The following CCDC141 variants were observed in gnomAD, a reference collection of about 807,000 sequenced individuals.
CCDC141 encodes the protein coiled-coil domain containing 141.
CCDC141 carries 168 observed loss-of-function variants against 181.0 expected under a neutral mutation model. That is an observed-to-expected ratio of 0.93 (90% CI 0.82 to 1.05). CCDC141 has a LOEUF of 1.05. Ranked by LOEUF, CCDC141 falls within the 50% of genes least tolerant of loss-of-function variation. CCDC141 has a pLI of 0.00. For synonymous variants in CCDC141, 666 were observed against 642.3 expected, an observed-to-expected ratio of 1.04 and a Z score of -0.56; for missense variants, 1,902 against 1,788.5, an observed-to-expected ratio of 1.06 and a Z score of -1.14.
At chr2:179,015,311 A>G (rs1217707940) in intron 2 of CCDC141, among the ~76,000 whole-genome samples, 4 of 143,156 alleles carry the variant, frequency 2.8e-5, no homozygotes, top group African/African-American at 1.0e-4. Flanking sequence ...TGTATCATAC[A>G]TATCTCATAT....
At chr2:178,979,638 A>G (rs1267453850) in intron 2 of CCDC141, among the ~76,000 whole-genome samples, 1 of 152,214 alleles carries the variant, frequency 6.6e-6, no homozygotes, top group Non-Finnish European at 1.5e-5. Flanking sequence ...GAGATGAGCT[A>G]TATCAGGCAA....
chr2:178,904,819 C>T (rs971569138), intron 8 of CCDC141, among the ~76,000 whole-genome samples: 1 of 152,160 alleles, frequency 6.6e-6, no homozygotes, highest in Non-Finnish European at 1.5e-5. Context: ...GAGCACTGTT[C>T]AAAAGCATGG....
At chr2:178,918,998 C>T in intron 6 of CCDC141, 91 bp from the exon 7 acceptor site, 1 of 1,159,634 alleles carries the variant, frequency 8.6e-7, no homozygotes, top group Non-Finnish European at 1.2e-6. Flanking sequence ...TGAAATCTAA[C>T]CCCCAAGGTG....
At chr2:178,982,329 G>A (rs887609425) in intron 2 of CCDC141, among the ~76,000 whole-genome samples, 2 of 151,952 alleles carry the variant, frequency 1.3e-5, no homozygotes, top group Admixed American at 6.6e-5. Flanking sequence ...AATCTAAAAA[G>A]GAAATCAAGA....
chr2:178,841,537 T>C lies in CCDC141; in HGVS notation c.3475-3793A>G, dbSNP rs1684717995. ...TAAATTATCACAGGTACTTCAAAAC[T>C]ATGTACATCTATTATGTATCATATA... On this transcript the variant is annotated intron_variant, in intron 22 of 23. Coordinates refer to ENST00000443758, the MANE Select transcript of CCDC141 (RefSeq NM_173648.4). Among the ~76,000 whole-genome samples, 4 of 152,332 alleles carry C rather than the reference T, an allele frequency of 2.6e-5. No homozygotes were observed. The South Asian group carries it at 8.3e-4, about 32-fold the overall frequency.
In CCDC141 at chr2:178,853,563, T is replaced by G; in HGVS notation, c.3122A>C (p.Glu1041Ala). The change falls in exon 20 of 24, where the codon GAG (glutamate) becomes GCG (alanine). Residue 1041 changes from glutamate (E) to alanine (A), a missense_variant. Physicochemically the swap from Glu to Ala is moderately radical, Grantham distance 107. Coordinates refer to ENST00000443758, the MANE Select transcript of CCDC141 (RefSeq NM_173648.4). ...TTTCACAGCTTCCTTTGTCTTGCAC[T>G]CTGTGGAATATTTTCCAACTCTTAC... ...TVVRVGKYSTECKTKEAVKIL... is the reference protein window; with the variant it reads ...TVVRVGKYSTACKTKEAVKIL... 1 of 1,614,076 alleles carries G rather than the reference T, an allele frequency of 6.2e-7. No homozygotes were observed. Among genetic ancestry groups the G allele is most frequent in the Non-Finnish European group, 8.5e-7 (1 of 1,179,956 alleles).
At chr2:178,844,806 T>C (rs1039026746) in intron 22 of CCDC141, among the ~76,000 whole-genome samples, 3 of 152,332 alleles carry the variant, frequency 2.0e-5, no homozygotes, top group Non-Finnish European at 4.4e-5. Flanking sequence ...TTTTATTAAT[T>C]TGAGCACGGT....
At chr2:179,026,896 G>T (rs913708616) in intron 2 of CCDC141, among the ~76,000 whole-genome samples, 14 of 152,240 alleles carry the variant, frequency 9.2e-5, no homozygotes, top group Admixed American at 2.0e-4. Flanking sequence ...CTGGATTTTG[G>T]ACTTGCATGG....
At chr2:178,894,334 AAG>A (rs1478605341) in intron 8 of CCDC141, among the ~76,000 whole-genome samples, 1 of 152,218 alleles carries the variant, frequency 6.6e-6, no homozygotes, top group Non-Finnish European at 1.5e-5. Flanking sequence ...AAGAAAGTCA[AAG>A]AAAAAAACCC....
chr2:179,022,257 T>C (rs1428805470), intron 2 of CCDC141, among the ~76,000 whole-genome samples: 1 of 152,144 alleles, frequency 6.6e-6, no homozygotes, highest in Non-Finnish European at 1.5e-5. Flanking sequence ...AGAATACCAT[T>C]GTGTGTTTTA....
intron 8 of CCDC141, among the ~76,000 whole-genome samples, chr2:178,893,696 A>G (rs929670632): frequency 6.6e-6 from 1 of 152,060 alleles, no homozygotes; most frequent in Non-Finnish European, 1.5e-5. Flanking sequence ...AAAAAGTGCC[A>G]TTTATACTGT....
chr2:178,861,900 G>T (rs2154368187), intron 17 of CCDC141, among the ~76,000 whole-genome samples: 1 of 152,252 alleles, frequency 6.6e-6, no homozygotes, highest in Non-Finnish European at 1.5e-5. Flanking sequence ...ATTATTGTCT[G>T]CACTATACCA....
At chr2:179,036,153 G>A (rs1209826826) in intron 2 of CCDC141, among the ~76,000 whole-genome samples, 5 of 152,152 alleles carry the variant, frequency 3.3e-5, no homozygotes, top group Admixed American at 1.3e-4. Flanking sequence ...GGACAGGGCC[G>A]AGGTCAGGAG....
At chr2:178,898,877 C>T (rs1049929863) in intron 8 of CCDC141, among the ~76,000 whole-genome samples, 2 of 152,042 alleles carry the variant, frequency 1.3e-5, no homozygotes, top group African/African-American at 4.8e-5. Context: ...TAAATTAAGC[C>T]TTTTAATACA....
intron 2 of CCDC141, among the ~76,000 whole-genome samples, chr2:178,994,192 C>G (rs1051908738): frequency 6.6e-6 from 1 of 152,352 alleles, no homozygotes; most frequent in Middle Eastern, 3.4e-3. Flanking sequence ...CCACATTTCC[C>G]TTCTGCACTG....
chr2:178,941,958 C>CA lies in CCDC141; in HGVS notation c.897+2576dup, dbSNP rs66903231. ...TGAGTGACAGAGAGAGATCCCATCT[C>CA]AAAAAAAAAAAAAAAAAAAAAAAAA... On this transcript the variant is annotated intron_variant, in intron 6 of 23. Transcript: ENST00000443758. 1.2e-3 allele frequency among the ~76,000 whole-genome samples: 86 copies of CA among 71,484 alleles called. 1 individual carries two copies. Among genetic ancestry groups the CA allele is most frequent in the African/African-American group, 5.0e-3 (80 of 15,934 alleles). The allele number at this position is 71,484 out of a possible 152,430, so 46.9% of individuals were successfully genotyped here.
intron 8 of CCDC141, among the ~76,000 whole-genome samples, chr2:178,900,510 T>C (rs1687633527): frequency 6.6e-6 from 1 of 152,116 alleles, no homozygotes; most frequent in African/African-American, 2.4e-5. Context: ...TTTTGTTTGT[T>C]TGTTTGTTTG....
intron 2 of CCDC141, among the ~76,000 whole-genome samples, chr2:179,000,055 T>TAC (rs67309651): frequency 0.015 from 2,136 of 144,324 alleles, 30 homozygotes; most frequent in South Asian, 0.044. Flanking sequence ...TTCATCACCA[T>TAC]ACACACACAC....
chr2:178,872,228 C>A lies in CCDC141; in HGVS notation c.1984G>T (p.Glu662Ter). The A allele has an allele frequency of 6.2e-7, 1 of 1,614,052 alleles. No homozygotes were observed. The highest frequency in any genetic ancestry group is 8.5e-7 in the Non-Finnish European group (1 of 1,179,958). ...TMENQKAERE[E>*]LSLLRLAWQL... Reference sequence around the variant, plus strand: ...CATGCCAGCCGAAGGAGGCTAAGTTCTTCCCGTTCTGCTTTCTGGTTTTCC... The same window carrying A: ...CATGCCAGCCGAAGGAGGCTAAGTTATTCCCGTTCTGCTTTCTGGTTTTCC... The change falls in exon 13 of 24, where the codon GAA becomes TAA. Residue 662 changes from glutamate to a stop codon, truncating the protein, a stop_gained. Coordinates refer to ENST00000443758, the MANE Select transcript of CCDC141 (RefSeq NM_173648.4). LOFTEE classifies it high-confidence loss of function.
Sources: allele counts gnomAD v4.1 joint callset (sites outside exome capture counted in the v4.1 genomes callset), GRCh38; gene constraint gnomAD v4.1.1; transcripts MANE v1.5; gene names NCBI Gene and HGNC (gene_info 2026-07-23, HGNC 2026-07-21).